The following SORBS2 variants were observed in gnomAD, a reference collection of about 807,000 sequenced individuals.
The protein encoded by SORBS2 is sorbin and SH3 domain containing 2.
In SORBS2, 46 loss-of-function variants were observed where a neutral mutation model predicts 97.7. The observed-to-expected ratio is 0.47, with a 90% CI of 0.37 to 0.60. The LOEUF (loss-of-function observed/expected upper bound fraction) is 0.60, where lower values mean the gene tolerates loss of function less well. SORBS2 is among the 20% of genes least tolerant of loss of function. SORBS2 has a pLI of 0.00. For missense variants in SORBS2, 1,316 were observed against 1,282.3 expected (o/e 1.03, Z -0.40); for synonymous variants, 476 against 473.4 (o/e 1.01, Z -0.07).
At chr4:185,821,455 G>A (rs181190928) in intron 1 of SORBS2, among the ~76,000 whole-genome samples, 29 of 152,234 alleles carry the variant, frequency 1.9e-4, no homozygotes, top group Admixed American at 7.2e-4. Context: ...ATGGAGTCTC[G>A]CTCTGTCTCC....
rs995603661 is a variant in SORBS2 at position 185,811,930 on chromosome 4, A to G, written c.-337-36564T>C. ...TCGTTTTCAGGGTAAGCAGCTAGGG[A>G]GCTGCTGAGATAATATTGCAGGGAA... On this transcript the variant is annotated intron_variant, in intron 1 of 20. Transcript: ENST00000284776. The G allele has an allele frequency of 3.0e-4, 46 of 152,406 alleles. 1 individual carries two copies. Among genetic ancestry groups the G allele is most frequent in the African/African-American group, 1.1e-3 (46 of 41,580 alleles). 9.4% of individuals were successfully genotyped at this position (152,406 alleles called of 1,614,324 possible). A position where few individuals can be genotyped will look rare whatever the true frequency, so the allele number is the denominator to read the frequency against.
chr4:185,884,013 G>A (rs112455551), intron 1 of SORBS2, among the ~76,000 whole-genome samples: 72 of 152,292 alleles, frequency 4.7e-4, no homozygotes, highest in African/African-American at 1.6e-3. Context: ...ACAGAAGTCC[G>A]ATCAGTTTTC....
intron 1 of SORBS2, among the ~76,000 whole-genome samples, chr4:185,925,822 T>C (rs2099263340): frequency 6.6e-6 from 1 of 152,184 alleles, no homozygotes; most frequent in Admixed American, 6.5e-5. Flanking sequence ...ATATGCAATA[T>C]AGAGTCCGGG....
chr4:185,669,505 A>T (rs1389223736), intron 4 of SORBS2, among the ~76,000 whole-genome samples: 2 of 152,132 alleles, frequency 1.3e-5, no homozygotes, highest in Non-Finnish European at 2.9e-5. Context: ...TGGAAGCTGG[A>T]GGTGGAAGAG....
chr4:185,832,789 G>A (rs1031757055), intron 1 of SORBS2, among the ~76,000 whole-genome samples: 7 of 152,172 alleles, frequency 4.6e-5, no homozygotes, highest in African/African-American at 1.7e-4. Context: ...GGAAAAAAGT[G>A]TATATGTATC....
chr4:185,924,824 G>C (rs10017053), intron 1 of SORBS2, among the ~76,000 whole-genome samples: 8,460 of 152,230 alleles, frequency 0.056, 388 homozygotes, highest in East Asian at 0.14. Flanking sequence ...CTGGGGAGCT[G>C]TTTTCTTCTT....
At position 185,868,155 on chromosome 4, in the gene SORBS2, C is replaced by CTTTTTTTTT. The variant is rs1431293135; in HGVS notation, c.-338+88040_-338+88041insAAAAAAAAA. 9.2e-4 allele frequency among the ~76,000 whole-genome samples: 93 copies of CTTTTTTTTT among 100,732 alleles called. 10 individuals carry two copies. Among genetic ancestry groups the CTTTTTTTTT allele is most frequent in the Non-Finnish European group, 1.2e-3 (64 of 53,290 alleles). The allele number at this position is 100,732 out of a possible 152,430, so 66.1% of individuals were successfully genotyped here. ...CCTTTCTCTTTTCTTTTCTTTTTTTCTTTCTTTTTTTTTTTTTTTGAGGCA... is the reference window on the plus strand; with the variant it reads ...CCTTTCTCTTTTCTTTTCTTTTTTTCTTTTTTTTTTTTCTTTTTTTTTTTTTTTGAGGCA... On this transcript the variant is annotated intron_variant, in intron 1 of 20. Transcript: ENST00000284776.
intron 1 of SORBS2, among the ~76,000 whole-genome samples, chr4:185,882,975 T>C (rs186305464): frequency 2.4e-3 from 359 of 152,018 alleles, no homozygotes; most frequent in Non-Finnish European, 3.9e-3. Flanking sequence ...CAGAAAAAAA[T>C]TTCACGACCT....
intron 2 of SORBS2, among the ~76,000 whole-genome samples, chr4:185,768,923 C>T (rs971404499): frequency 2.0e-5 from 3 of 151,974 alleles, no homozygotes; most frequent in South Asian, 2.1e-4. Flanking sequence ...AAGTAAGTGG[C>T]CAATAAGGTC....
chr4:185,869,810 C>T (rs943553796), intron 1 of SORBS2, among the ~76,000 whole-genome samples: 1 of 152,198 alleles, frequency 6.6e-6, no homozygotes, highest in Non-Finnish European at 1.5e-5. Flanking sequence ...TCTGCTTTGA[C>T]TCTGCAGATT....
chr4:185,798,668 A>C (rs1272362286), intron 1 of SORBS2, among the ~76,000 whole-genome samples: 1 of 152,174 alleles, frequency 6.6e-6, no homozygotes, highest in African/African-American at 2.4e-5. Context: ...AGCGTCTCGA[A>C]AGCTAGTATA....
chr4:185,867,597 C>T (rs1431439852), intron 1 of SORBS2, among the ~76,000 whole-genome samples: 1 of 152,136 alleles, frequency 6.6e-6, no homozygotes, highest in Non-Finnish European at 1.5e-5. Context: ...TAAGTCAGCT[C>T]AAATTTGAGT....
In SORBS2 at chr4:185,803,877, A is replaced by G. The variant is rs1194718930; in HGVS notation, c.-337-28511T>C. Among the ~76,000 whole-genome samples, 3 of 152,340 alleles carry G rather than the reference A, an allele frequency of 2.0e-5. No individual in the cohort carries two copies. The East Asian group carries it at 5.8e-4, about 29-fold the overall frequency. On this transcript the variant is annotated intron_variant, in intron 1 of 20. Transcript: ENST00000284776. ...ACTGCCCTAAGACAGCCCTTCTCCCAAAACAGATATGGTTTCTCTGACAAA... is the reference window on the plus strand; with the variant it reads ...ACTGCCCTAAGACAGCCCTTCTCCCGAAACAGATATGGTTTCTCTGACAAA...
At chr4:185,936,185 C>T (rs116058240) in intron 1 of SORBS2, among the ~76,000 whole-genome samples, 59 of 152,300 alleles carry the variant, frequency 3.9e-4, no homozygotes, top group African/African-American at 1.2e-3. Flanking sequence ...TGAGGAGACA[C>T]GTGCTATTCA....
chr4:185,897,693 CG>C (rs1272902200), intron 1 of SORBS2, among the ~76,000 whole-genome samples: 1 of 152,126 alleles, frequency 6.6e-6, no homozygotes, highest in African/African-American at 2.4e-5. Context: ...TAGAAAGTCA[CG>C]GAACACAGAT....
At chr4:185,657,045 T>C, upstream of SORBS2, 2 of 548,526 alleles carry the variant, frequency 3.6e-6, no homozygotes, top group Non-Finnish European at 4.9e-6. Flanking sequence ...TCGCAATGCA[T>C]GTGGGAATTC....
chr4:185,906,102 C>T lies in SORBS2; in HGVS notation c.-338+50094G>A, dbSNP rs917191706. The stretch of plus-strand genomic sequence containing the variant: ...AGGCTGGAGTGCAGTGGCACAATCT[C>T]AGCTCACTGCAACCTCCGCCTCCTG... On this transcript the variant is annotated intron_variant, in intron 1 of 20. Transcript: ENST00000284776. 1.3e-4 allele frequency among the ~76,000 whole-genome samples: 20 copies of T among 152,274 alleles called. 1 individual carries two copies. The highest frequency in any genetic ancestry group is 4.1e-4 in the South Asian group (2 of 4,820).
intron 1 of SORBS2, among the ~76,000 whole-genome samples, chr4:185,932,006 A>C (rs9760087): frequency 0.53 from 78,177 of 147,772 alleles, 21,463 homozygotes; most frequent in Middle Eastern, 0.62. Flanking sequence ...CTCTCTCTAT[A>C]TATATATATA....
chr4:185,688,630 T>C (rs2098027495), intron 2 of SORBS2, among the ~76,000 whole-genome samples: 2 of 152,160 alleles, frequency 1.3e-5, no homozygotes. Flanking sequence ...TCATCATCTG[T>C]CTATCTGTAG....
Sources: gnomAD v4.1 joint callset for allele counts (sites outside exome capture counted in the v4.1 genomes callset) on GRCh38, gnomAD v4.1.1 for gene constraint, MANE v1.5 for transcripts, NCBI Gene and HGNC (gene_info 2026-07-23, HGNC 2026-07-21) for gene names.